MPPED2: variants seen among roughly 807,000 people sequenced by gnomAD.
MPPED2 encodes the protein metallophosphoesterase MPPED2.
In MPPED2, 5 loss-of-function variants were observed where a neutral mutation model predicts 33.0. That is an observed-to-expected ratio of 0.15 (90% CI 0.08 to 0.32). The LOEUF is 0.32. Ranked by LOEUF, MPPED2 falls within the 10% of genes least tolerant of loss-of-function variation. The pLI, the probability that MPPED2 is intolerant of heterozygous loss-of-function variation, is 1.00. For missense variants in MPPED2, 275 were observed against 372.1 expected (o/e 0.74, Z 2.15); for synonymous variants, 136 against 141.9 (o/e 0.96, Z 0.29).
chr11:30,449,967 C>T lies in MPPED2; in HGVS notation c.537-32334G>A, dbSNP rs558948022. ...TCTCCACAATTTACTGCCATTTGTT[C>T]AATGGTATAAGCCCCCCAAAACCAC... On this transcript the variant is annotated intron_variant, in intron 4 of 6. Transcript: ENST00000358117. Among the ~76,000 whole-genome samples the T allele has an allele frequency of 2.6e-5, 4 of 152,284 alleles. No individual in the cohort carries two copies. The East Asian group carries it at 7.7e-4, about 29-fold the overall frequency.
chr11:30,384,178 C>A (rs1318807819), downstream of MPPED2, among the ~76,000 whole-genome samples: 2 of 152,248 alleles, frequency 1.3e-5, no homozygotes, highest in East Asian at 1.9e-4. Flanking sequence ...TCCCAATACA[C>A]AGAGACATGT....
At chr11:30,412,034 T>G (rs1385062121) in intron 6 of MPPED2, among the ~76,000 whole-genome samples, 1 of 151,964 alleles carries the variant, frequency 6.6e-6, no homozygotes. Context: ...GAAAGGATAC[T>G]GCATTGAGAG....
At chr11:30,507,978 C>T (rs866876805) in intron 3 of MPPED2, among the ~76,000 whole-genome samples, 1 of 152,106 alleles carries the variant, frequency 6.6e-6, no homozygotes, top group African/African-American at 2.4e-5. Context: ...CATTTTCATT[C>T]CTTACTCATG....
intron 4 of MPPED2, among the ~76,000 whole-genome samples, chr11:30,475,405 AT>A (rs1216152154): frequency 3.3e-5 from 5 of 152,066 alleles, no homozygotes; most frequent in African/African-American, 7.2e-5. Flanking sequence ...GATACCAATC[AT>A]TTTTTTCACC....
intron 2 of MPPED2, among the ~76,000 whole-genome samples, chr11:30,566,647 T>TTTCA (rs1181777643): frequency 1.3e-5 from 2 of 152,186 alleles, no homozygotes; most frequent in South Asian, 2.1e-4. Flanking sequence ...CAAACTCAGC[T>TTTCA]TTCATTCATT....
chr11:30,498,245 A>G (rs1040164520), intron 3 of MPPED2, among the ~76,000 whole-genome samples: 28 of 151,722 alleles, frequency 1.8e-4, no homozygotes, highest in Non-Finnish European at 2.9e-4. Flanking sequence ...CCAAGGCCAT[A>G]TATATACTCT....
chr11:30,493,305 A>C (rs1952073937), intron 4 of MPPED2, among the ~76,000 whole-genome samples: 1 of 149,664 alleles, frequency 6.7e-6, no homozygotes, highest in Non-Finnish European at 1.5e-5. Flanking sequence ...CGGAAGGCGG[A>C]GCTTGCAGTG....
intron 4 of MPPED2, among the ~76,000 whole-genome samples, chr11:30,487,044 AT>A (rs1565116308): frequency 6.6e-6 from 1 of 152,232 alleles, no homozygotes; most frequent in African/African-American, 2.4e-5. Context: ...AGCATCTACT[AT>A]GTGCCAGGCA....
At chr11:30,478,997 A>G (rs1951352627) in intron 4 of MPPED2, among the ~76,000 whole-genome samples, 1 of 152,112 alleles carries the variant, frequency 6.6e-6, no homozygotes, top group Admixed American at 6.6e-5. Flanking sequence ...AGCAGTCTCA[A>G]AGCAGGAGAA....
At chr11:30,539,303 T>C (rs1954975172) in intron 2 of MPPED2, among the ~76,000 whole-genome samples, 1 of 152,180 alleles carries the variant, frequency 6.6e-6, no homozygotes, top group Non-Finnish European at 1.5e-5. Context: ...GCTGCTGAGT[T>C]CTCAAATGAC....
At chr11:30,444,556 C>T (rs1049587252) in intron 4 of MPPED2, among the ~76,000 whole-genome samples, 11 of 151,246 alleles carry the variant, frequency 7.3e-5, no homozygotes, top group Non-Finnish European at 1.6e-4. Flanking sequence ...CACCTCAGGG[C>T]TGAAACAAGA....
chr11:30,441,258 A>G (rs1949559529), intron 4 of MPPED2: 1 of 152,242 alleles, frequency 6.6e-6, no homozygotes, highest in Non-Finnish European at 1.5e-5. Flanking sequence ...TGAAGCATAT[A>G]CTGACCAAAT....
intron 3 of MPPED2, among the ~76,000 whole-genome samples, chr11:30,511,665 T>C (rs1953202360): frequency 6.6e-6 from 1 of 152,176 alleles, no homozygotes. Context: ...TTTAGAACAG[T>C]ATAGCAAGCA....
chr11:30,552,036 C>A (rs1236369191), intron 2 of MPPED2, among the ~76,000 whole-genome samples: 1 of 152,142 alleles, frequency 6.6e-6, no homozygotes, highest in Non-Finnish European at 1.5e-5. Context: ...AAATACAGGT[C>A]TCTCATAAAC....
chr11:30,394,021 T>G (rs186808553), intron 6 of MPPED2, among the ~76,000 whole-genome samples: 4 of 152,320 alleles, frequency 2.6e-5, no homozygotes, highest in African/African-American at 7.2e-5. Context: ...ATCATACAAG[T>G]GGAATATATC....
intron 3 of MPPED2, among the ~76,000 whole-genome samples, chr11:30,509,273 G>A (rs902317135): frequency 6.6e-6 from 1 of 152,080 alleles, no homozygotes; most frequent in African/African-American, 2.4e-5. Flanking sequence ...CAAATAAATG[G>A]ATGAATAAAT....
At chr11:30,479,413 A>C (rs1951376781) in intron 4 of MPPED2, among the ~76,000 whole-genome samples, 1 of 152,182 alleles carries the variant, frequency 6.6e-6, no homozygotes, top group African/African-American at 2.4e-5. Flanking sequence ...TTTAAACTAA[A>C]GCAGAATAAT....
At chr11:30,524,049 A>G (rs1021754876) in intron 3 of MPPED2, among the ~76,000 whole-genome samples, 2 of 152,000 alleles carry the variant, frequency 1.3e-5, no homozygotes, top group Admixed American at 6.6e-5. Flanking sequence ...TCAGGAGTTC[A>G]TGACCAGTCT....
intron 2 of MPPED2, among the ~76,000 whole-genome samples, chr11:30,553,097 C>G (rs1216004039): frequency 3.3e-5 from 5 of 152,168 alleles, no homozygotes; most frequent in Non-Finnish European, 7.3e-5. Flanking sequence ...CCAATGCAAA[C>G]CAAGGGTGCA....
Sources: allele counts gnomAD v4.1 joint callset (sites outside exome capture counted in the v4.1 genomes callset), GRCh38; gene constraint gnomAD v4.1.1; transcripts MANE v1.5; gene names NCBI Gene and HGNC (gene_info 2026-07-23, HGNC 2026-07-21).